CA5B: variants seen among roughly 807,000 people sequenced by gnomAD.
The protein encoded by CA5B is carbonic anhydrase 5B.
Under a neutral mutation model 23.1 loss-of-function variants are expected in CA5B, and 15 were observed. That is an observed-to-expected ratio of 0.65 (90% CI 0.43 to 1.00). The LOEUF is 1.00. CA5B is among the 50% of genes least tolerant of loss of function. The pLI is 0.00. For missense variants in CA5B, 236 were observed against 252.2 expected, an observed-to-expected ratio of 0.94 and a Z score of 0.43; for synonymous variants, 84 against 98.5, an observed-to-expected ratio of 0.85 and a Z score of 0.87.
At chrX:15,751,729 GA>G (rs1931358828) in intron 2 of CA5B, among the ~76,000 whole-genome samples, 1 of 110,872 alleles carries the variant, frequency 9.0e-6, no homozygotes, top group South Asian at 3.8e-4. Context: ...AAAAACAGGG[GA>G]CAGTCACCAT....
chrX:15,775,697 T>C lies in CA5B; in HGVS notation c.618+389T>C, dbSNP rs192458872. 7.1e-4 allele frequency: 538 copies of C among 757,294 alleles called. 3 individuals are homozygous for C. The East Asian group carries it at 9.0e-3, about 13-fold the overall frequency. The allele number at this position is 757,294 out of a possible 1,213,427, so 62.4% of individuals were successfully genotyped here. A position where few individuals can be genotyped will look rare whatever the true frequency, so the allele number is the denominator to read the frequency against. ...CTTGTCCAGCTAGAAAGAACAGTAA[T>C]CCACATCCTTCAGGTCGGATGCCTT... is the stretch of plus-strand genomic sequence containing the variant. On this transcript the variant is annotated intron_variant, in intron 6 of 7. Transcript: ENST00000318636.
intron 1 of CA5B, among the ~76,000 whole-genome samples, chrX:15,739,310 A>C (rs949682590): frequency 2.7e-5 from 3 of 111,951 alleles, no homozygotes; most frequent in African/African-American, 9.8e-5. Flanking sequence ...GGAGACAAGT[A>C]GTGCTATTTC....
chrX:15,760,611 AG>A (rs1301262418), intron 2 of CA5B, among the ~76,000 whole-genome samples: 2 of 111,638 alleles, frequency 1.8e-5, no homozygotes, highest in African/African-American at 6.5e-5. Context: ...AGGATGACCA[AG>A]GCGTCGTCTT....
chrX:15,760,711 C>CCA (rs1931587780), intron 2 of CA5B, among the ~76,000 whole-genome samples: 1 of 111,539 alleles, frequency 9.0e-6, no homozygotes, highest in South Asian at 3.8e-4. Context: ...AAATTATCAG[C>CCA]CACAGTCTGA....
At chrX:15,746,624 G>A (rs1931239682) in intron 1 of CA5B, among the ~76,000 whole-genome samples, 1 of 111,494 alleles carries the variant, frequency 9.0e-6, no homozygotes, top group Non-Finnish European at 1.9e-5. Context: ...AGCCAACTGT[G>A]TGGGAGACCA....
At chrX:15,739,564 G>A (rs1336479297) in intron 1 of CA5B, among the ~76,000 whole-genome samples, 1 of 110,868 alleles carries the variant, frequency 9.0e-6, no homozygotes, top group Non-Finnish European at 1.9e-5. Flanking sequence ...CCTGGAGCCA[G>A]GCAAAAAGCT....
chrX:15,774,315 A>G lies in CA5B; in HGVS notation c.473A>G (p.His158Arg). 1 of 1,210,213 alleles carries G rather than the reference A, an allele frequency of 8.3e-7. No homozygotes were observed. Among genetic ancestry groups the G allele is most frequent in the African/African-American group, 1.7e-5 (1 of 57,570 alleles). The change falls in exon 5 of 8, where the codon CAT becomes CGT. Residue 158 changes from histidine (H) to arginine (R), a missense_variant. Physicochemically the swap from His to Arg is conservative, Grantham distance 29 (BLOSUM62 0). Transcript: ENST00000318636. ...ATGGTGTTTCAGCTGCACTTAGTGC[A>G]TTGGAACGCAGTCAGATTTGAAAAC... ...KCFPAELHLV[H>R]WNAVRFENFE...
At chrX:15,778,328 G>T (rs1392984133) in intron 7 of CA5B, among the ~76,000 whole-genome samples, 1 of 111,708 alleles carries the variant, frequency 9.0e-6, no homozygotes, top group Admixed American at 9.5e-5. Context: ...ATAAATTTAT[G>T]TATTCCCAAT....
chrX:15,752,375 C>A (rs1931377553), intron 2 of CA5B, among the ~76,000 whole-genome samples: 1 of 111,721 alleles, frequency 9.0e-6, no homozygotes, highest in Non-Finnish European at 1.9e-5. Context: ...TGTTTCTTTG[C>A]CATGTTTTGA....
chrX:15,752,759 T>C (rs1931401180), intron 2 of CA5B, among the ~76,000 whole-genome samples: 1 of 110,553 alleles, frequency 9.0e-6, no homozygotes. Context: ...CATAGCTAGA[T>C]CTTTTTTTTC....
chrX:15,770,144 T>A (rs1931789924), intron 3 of CA5B, among the ~76,000 whole-genome samples: 1 of 109,501 alleles, frequency 9.1e-6, no homozygotes, highest in South Asian at 4.0e-4. Context: ...TGAAACTCCT[T>A]CTCTACCAAA....
intron 2 of CA5B, 147 bp from the exon 3 acceptor site, chrX:15,764,431 G>C (rs1931664445): frequency 3.4e-6 from 3 of 885,201 alleles, no homozygotes; most frequent in African/African-American, 2.0e-5. Flanking sequence ...GTAGAGACAG[G>C]GTTTCGCCGT....
chrX:15,752,553 G>A (rs900985480), intron 2 of CA5B, among the ~76,000 whole-genome samples: 18 of 110,223 alleles, frequency 1.6e-4, no homozygotes, highest in Non-Finnish European at 3.0e-4. Flanking sequence ...GTGAAACCCC[G>A]TCTCTACTAA....
intron 5 of CA5B, 74 bp downstream of exon 5, chrX:15,774,471 T>C: frequency 9.8e-7 from 1 of 1,024,896 alleles, no homozygotes; most frequent in Non-Finnish European, 1.3e-6. Flanking sequence ...AATATTGTTA[T>C]TTACTTTAAG....
At position 15,755,868 on chromosome X, in the gene CA5B, T is replaced by C. The variant is rs1461550026; in HGVS notation, c.142+5703T>C. ...ACAGGTCAAAGTAGTTTGACTAATA[T>C]ACTTTATTTAACCAAATATATCTAA... is the stretch of plus-strand genomic sequence containing the variant. On this transcript the variant is annotated intron_variant, in intron 2 of 7. Transcript: ENST00000318636. Among the ~76,000 whole-genome samples, 14 of 112,950 alleles carry C rather than the reference T, an allele frequency of 1.2e-4. 1 individual carries two copies. The highest frequency in any genetic ancestry group is 4.5e-4 in the African/African-American group (14 of 31,127).
At chrX:15,750,829 A>T (rs1931342035) in intron 2 of CA5B, among the ~76,000 whole-genome samples, 1 of 111,559 alleles carries the variant, frequency 9.0e-6, no homozygotes, top group Admixed American at 9.5e-5. Context: ...CCATGTCCGG[A>T]TGTGGCAGGG....
chrX:15,748,710 C>CT (rs1375708602), intron 1 of CA5B, among the ~76,000 whole-genome samples: 1 of 29,830 alleles, frequency 3.4e-5, no homozygotes, highest in African/African-American at 9.1e-5. Context: ...TAGTGAGAAC[C>CT]CCCCCCCCCG....
At chrX:15,750,564 A>G (rs1011274753) in intron 2 of CA5B, 13 of 119,674 alleles carry the variant, frequency 1.1e-4, no homozygotes, top group Non-Finnish European at 1.5e-4. Flanking sequence ...TTTTAAACAA[A>G]GGTTGATCCA....
rs956240907 is a variant in CA5B at position 15,742,579 on chromosome X, G to A, written c.-54+4227G>A. Among the ~76,000 whole-genome samples the A allele has an allele frequency of 8.0e-5, 9 of 112,314 alleles. No homozygotes were observed. The Admixed American group carries it at 8.4e-4, about 11-fold the overall frequency. On this transcript the variant is annotated intron_variant, in intron 1 of 7. Transcript: ENST00000318636. ...AGTAGAGTCGTGGTTTCACCATGTTGGCCAGACTGGTCACGAACTCCTGAC... is the reference window on the plus strand; with the variant it reads ...AGTAGAGTCGTGGTTTCACCATGTTAGCCAGACTGGTCACGAACTCCTGAC...
Sources: allele counts gnomAD v4.1 joint callset (sites outside exome capture counted in the v4.1 genomes callset), GRCh38; gene constraint gnomAD v4.1.1; transcripts MANE v1.5; gene names NCBI Gene and HGNC (gene_info 2026-07-23, HGNC 2026-07-21).